MACO1: variants seen among roughly 807,000 people sequenced by gnomAD.
MACO1 encodes the protein macoilin 1, also known as macoilin.
MACO1 carries 14 observed loss-of-function variants against 78.7 expected under a neutral mutation model. The observed-to-expected ratio is 0.18, with a 90% confidence interval of 0.12 to 0.28. The LOEUF (loss-of-function observed/expected upper bound fraction) is 0.28. Among genes scored for constraint, MACO1 ranks in the 10% least tolerant of loss-of-function variants. MACO1 has a pLI of 1.00. For missense variants in MACO1, 501 were observed against 799.0 expected (o/e 0.63, Z 4.50); for synonymous variants, 288 against 291.6 (o/e 0.99, Z 0.12).
At chr1:25,446,321 T>C (rs2043015219) in intron 1 of MACO1, among the ~76,000 whole-genome samples, 1 of 152,192 alleles carries the variant, frequency 6.6e-6, no homozygotes, top group African/African-American at 2.4e-5. Context: ...TGTAAGGATG[T>C]GCGTCAAGAA....
intron 6 of MACO1, among the ~76,000 whole-genome samples, chr1:25,476,083 C>T (rs2043319977): frequency 6.6e-6 from 1 of 152,224 alleles, no homozygotes; most frequent in Admixed American, 6.5e-5. Context: ...CTGATACACA[C>T]TTGTCAAATC....
intron 8 of MACO1, 65 bp from the exon 9 acceptor site, chr1:25,489,108 A>T: frequency 1.3e-6 from 2 of 1,543,786 alleles, no homozygotes; most frequent in Non-Finnish European, 1.7e-6. Flanking sequence ...GGCCTGAGTC[A>T]CAGGGCCCAG....
At chr1:25,446,286 A>G (rs2043014844) in intron 1 of MACO1, among the ~76,000 whole-genome samples, 1 of 152,146 alleles carries the variant, frequency 6.6e-6, no homozygotes. Context: ...AAAAAGGGGG[A>G]AAAAAAGACA....
In MACO1 at chr1:25,458,495, C is replaced by A. The variant is rs759045616; in HGVS notation, c.757C>A (p.Arg253=). 26 of 1,612,936 alleles carry A rather than the reference C, an allele frequency of 1.6e-5. No individual in the cohort carries two copies. The Admixed American group carries it at 1.8e-4, about 11-fold the overall frequency. ...LSTTLPEIEY[R]EKGKEKDKDA... is the part of the protein sequence containing the mutation. ...CACAACTTTGCCAGAGATAGAATAC[C>A]GAGAAAAAGGGAAAGAAAAGGACAA... Residue 253 remains arginine (R), a synonymous_variant, in exon 6 of 11, where the codon CGA becomes AGA. Transcript: ENST00000374343.
rs548446451 is a variant in MACO1, at chr1:25,437,388, C to T, written c.80+6210C>T. 7.5e-5 allele frequency among the ~76,000 whole-genome samples: 11 copies of T among 145,996 alleles called. No homozygotes were observed. The South Asian group carries it at 2.2e-3, about 29-fold the overall frequency. ...TATAGGCTGGTCTTGAACTCCTGGGCTCAAGTGAGCCACTCACCTTGACCT... is the reference window on the plus strand; with the variant it reads ...TATAGGCTGGTCTTGAACTCCTGGGTTCAAGTGAGCCACTCACCTTGACCT... On this transcript the variant is annotated intron_variant, in intron 1 of 10. Transcript: ENST00000374343.
chr1:25,466,488 T>A, intron 6 of MACO1, among the ~76,000 whole-genome samples: 1 of 152,086 alleles, frequency 6.6e-6, no homozygotes, highest in East Asian at 1.9e-4. Context: ...TAATTTTGTA[T>A]TTTTAGTAGA....
chr1:25,482,374 T>G (rs112375746), intron 6 of MACO1, among the ~76,000 whole-genome samples: 5 of 152,304 alleles, frequency 3.3e-5, no homozygotes, highest in African/African-American at 1.2e-4. Flanking sequence ...GCAGCCATCC[T>G]TGACCTGACC....
intron 3 of MACO1, among the ~76,000 whole-genome samples, chr1:25,452,043 A>G (rs1342687770): frequency 1.3e-5 from 2 of 151,898 alleles, no homozygotes; most frequent in Non-Finnish European, 2.9e-5. Context: ...CAGAGCATCC[A>G]GTGACAACTT....
chr1:25,465,439 T>A (rs568454721), intron 6 of MACO1, among the ~76,000 whole-genome samples: 1 of 152,332 alleles, frequency 6.6e-6, no homozygotes, highest in African/African-American at 2.4e-5. Context: ...TTCCTGTAAA[T>A]CCTGGCCAGC....
At chr1:25,468,461 C>A (rs1319709840) in intron 6 of MACO1, among the ~76,000 whole-genome samples, 2 of 152,140 alleles carry the variant, frequency 1.3e-5, no homozygotes. Flanking sequence ...CTTCGAAGGC[C>A]TAGAGTCCTG....
intron 1 of MACO1, among the ~76,000 whole-genome samples, chr1:25,437,678 G>C (rs1049778774): frequency 1.3e-5 from 2 of 152,140 alleles, no homozygotes; most frequent in Non-Finnish European, 2.9e-5. Context: ...CCAGCACTTT[G>C]GGAGGCTAAG....
At chr1:25,439,286 C>A (rs2042946875) in intron 1 of MACO1, among the ~76,000 whole-genome samples, 1 of 151,886 alleles carries the variant, frequency 6.6e-6, no homozygotes, top group African/African-American at 2.4e-5. Flanking sequence ...ACCCTTGCTA[C>A]TTGGGAGGCT....
At chr1:25,445,648 G>T (rs2043009555) in intron 1 of MACO1, among the ~76,000 whole-genome samples, 3 of 147,510 alleles carry the variant, frequency 2.0e-5, no homozygotes, top group African/African-American at 7.5e-5. Flanking sequence ...TAAGTCTTTT[G>T]TATCTTATTG....
At chr1:25,493,200 T>C (rs566158092) in intron 10 of MACO1, among the ~76,000 whole-genome samples, 3 of 152,182 alleles carry the variant, frequency 2.0e-5, no homozygotes, top group Non-Finnish European at 4.4e-5. Flanking sequence ...GTGGATTATA[T>C]CTATCAATAT....
At chr1:25,439,826 C>T (rs1056385732) in intron 1 of MACO1, among the ~76,000 whole-genome samples, 6 of 151,792 alleles carry the variant, frequency 4.0e-5, no homozygotes, top group Non-Finnish European at 5.9e-5. Context: ...TGAGACCAGC[C>T]TGACCAACTT....
chr1:25,469,710 C>CT (rs1267354807), intron 6 of MACO1, among the ~76,000 whole-genome samples: 1 of 148,266 alleles, frequency 6.7e-6, no homozygotes, highest in East Asian at 2.0e-4. Flanking sequence ...GATCTCGGCT[C>CT]ACTGCAACCT....
chr1:25,496,201 A>G (rs2043535158), intron 10 of MACO1, among the ~76,000 whole-genome samples: 1 of 147,496 alleles, frequency 6.8e-6, no homozygotes, highest in African/African-American at 2.5e-5. Flanking sequence ...AGGCTGGAGT[A>G]GAGTGGCACA....
intron 1 of MACO1, among the ~76,000 whole-genome samples, chr1:25,437,515 G>A (rs2042930407): frequency 1.3e-5 from 2 of 152,042 alleles, no homozygotes; most frequent in Admixed American, 1.3e-4. Context: ...TGCCTATCTT[G>A]TAGCAAGAAT....
chr1:25,466,608 C>T (rs545983407), intron 6 of MACO1, among the ~76,000 whole-genome samples: 85 of 152,190 alleles, frequency 5.6e-4, no homozygotes, highest in Middle Eastern at 3.2e-3. Flanking sequence ...CCACCTCACC[C>T]GGCCAGTTCA....
Sources: gnomAD v4.1 joint callset for allele counts (sites outside exome capture counted in the v4.1 genomes callset) on GRCh38, gnomAD v4.1.1 for gene constraint, MANE v1.5 for transcripts, NCBI Gene and HGNC (gene_info 2026-07-23, HGNC 2026-07-21) for gene names.